NKAIN2: variants seen among roughly 807,000 people sequenced by gnomAD.
The protein encoded by NKAIN2 is sodium/potassium transporting ATPase interacting 2.
In NKAIN2, 14 loss-of-function variants were observed where a neutral mutation model predicts 32.6. The observed-to-expected ratio is 0.43, with a 90% confidence interval of 0.28 to 0.67. The LOEUF is 0.67. Ranked by LOEUF, NKAIN2 falls within the 30% of genes least tolerant of loss-of-function variation. The pLI, the probability that NKAIN2 is intolerant of heterozygous loss-of-function variation, is 0.17. For missense variants in NKAIN2, 198 were observed against 258.3 expected, an observed-to-expected ratio of 0.77 and a Z score of 1.60; for synonymous variants, 80 against 87.2, an observed-to-expected ratio of 0.92 and a Z score of 0.46.
intron 1 of NKAIN2, among the ~76,000 whole-genome samples, chr6:124,067,423 A>G (rs1359387182): frequency 1.3e-5 from 2 of 152,080 alleles, no homozygotes; most frequent in Non-Finnish European, 2.9e-5. Context: ...TTCCATTATG[A>G]GAAACCCTGA....
intron 1 of NKAIN2, among the ~76,000 whole-genome samples, chr6:124,131,123 C>G (rs139615444): frequency 2.6e-4 from 39 of 152,196 alleles, no homozygotes; most frequent in African/African-American, 9.2e-4. Context: ...CGAGAAACTT[C>G]TGAGTTGAGT....
chr6:124,256,885 G>GTTTTTTTTT (rs568654193), intron 1 of NKAIN2, among the ~76,000 whole-genome samples: 29 of 75,906 alleles, frequency 3.8e-4, no homozygotes, highest in Admixed American at 5.3e-4. Context: ...GCTTTCTGTT[G>GTTTTTTTTT]TTTTTTTTTT....
intron 4 of NKAIN2, among the ~76,000 whole-genome samples, chr6:124,759,523 C>T (rs767748996): frequency 2.0e-5 from 3 of 150,900 alleles, no homozygotes; most frequent in East Asian, 2.0e-4. Flanking sequence ...CACTTTCTTT[C>T]GGTTTTTGTC....
At chr6:124,073,329 C>A (rs1783543642) in intron 1 of NKAIN2, among the ~76,000 whole-genome samples, 1 of 152,188 alleles carries the variant, frequency 6.6e-6, no homozygotes, top group South Asian at 2.1e-4. Flanking sequence ...AGCATAGAGC[C>A]TTATACGTGG....
At chr6:124,695,635 C>T (rs529455345) in intron 4 of NKAIN2, among the ~76,000 whole-genome samples, 2 of 152,250 alleles carry the variant, frequency 1.3e-5, no homozygotes, top group Admixed American at 6.5e-5. Context: ...TGCTTTGTGA[C>T]TTGAAAGGAC....
intron 1 of NKAIN2, among the ~76,000 whole-genome samples, chr6:124,264,529 G>A (rs1352201636): frequency 6.6e-6 from 1 of 152,072 alleles, no homozygotes; most frequent in African/African-American, 2.4e-5. Flanking sequence ...TCTATAGTTG[G>A]TTATTTCAAA....
chr6:124,431,871 A>G (rs1448935841), intron 3 of NKAIN2, among the ~76,000 whole-genome samples: 4 of 152,200 alleles, frequency 2.6e-5, no homozygotes, highest in African/African-American at 7.2e-5. Context: ...CACCACTAAC[A>G]GCAACAACAA....
intron 1 of NKAIN2, among the ~76,000 whole-genome samples, chr6:124,089,323 T>C (rs1784323041): frequency 6.6e-6 from 1 of 151,852 alleles, no homozygotes; most frequent in African/African-American, 2.4e-5. Context: ...GTCTTTCTTC[T>C]AAAGTTGTTT....
chr6:123,953,573 C>T (rs1777423921), intron 1 of NKAIN2, among the ~76,000 whole-genome samples: 1 of 152,000 alleles, frequency 6.6e-6, no homozygotes, highest in Non-Finnish European at 1.5e-5. Flanking sequence ...TATGTGTGCC[C>T]ACTGTGGTAG....
At chr6:124,698,426 A>T (rs1774609119) in intron 4 of NKAIN2, among the ~76,000 whole-genome samples, 1 of 152,186 alleles carries the variant, frequency 6.6e-6, no homozygotes, top group Non-Finnish European at 1.5e-5. Context: ...TACCCTGAAG[A>T]AAATTTGAAA....
intron 1 of NKAIN2, among the ~76,000 whole-genome samples, chr6:124,098,071 C>G (rs898052387): frequency 6.6e-6 from 1 of 151,882 alleles, no homozygotes; most frequent in Non-Finnish European, 1.5e-5. Flanking sequence ...GATTCTGGAG[C>G]CTGTTAGGTA....
intron 1 of NKAIN2, among the ~76,000 whole-genome samples, chr6:124,009,570 T>C (rs1780229057): frequency 2.6e-5 from 4 of 152,168 alleles, no homozygotes; most frequent in Non-Finnish European, 5.9e-5. Flanking sequence ...TGCTGAGTGT[T>C]CACGTTCCAA....
chr6:124,521,159 T>C (rs996553029), intron 3 of NKAIN2, among the ~76,000 whole-genome samples: 8 of 152,130 alleles, frequency 5.3e-5, no homozygotes, highest in Non-Finnish European at 1.2e-4. Context: ...TAGGACCTAG[T>C]ACAATGTCAA....
In NKAIN2 at chr6:124,672,700, A is replaced by C. The variant is rs1229505141; in HGVS notation, c.474+14314A>C. Among the ~76,000 whole-genome samples, 3 of 152,090 alleles carry C rather than the reference A, an allele frequency of 2.0e-5. No individual in the cohort carries two copies. In the East Asian group the frequency reaches 5.8e-4, roughly 29 times the overall value. On this transcript the variant is annotated intron_variant, in intron 4 of 6. Transcript: ENST00000368417. ...AGGCTGTGTGGAATAAGGGAAAGGA[A>C]TAGATATAACTGATATTAAATAAAG...
At chr6:124,141,392 TAC>T (rs1315422893) in intron 1 of NKAIN2, among the ~76,000 whole-genome samples, 1 of 152,208 alleles carries the variant, frequency 6.6e-6, no homozygotes, top group Non-Finnish European at 1.5e-5. Flanking sequence ...ATTTGAATTT[TAC>T]ACAGTTATAG....
intron 3 of NKAIN2, among the ~76,000 whole-genome samples, chr6:124,598,195 A>G (rs1782167970): frequency 6.6e-6 from 1 of 152,176 alleles, no homozygotes; most frequent in African/African-American, 2.4e-5. Flanking sequence ...CTAGTTGTGA[A>G]TCTTGCTGAT....
chr6:124,524,264 G>T (rs1057489073), intron 3 of NKAIN2, among the ~76,000 whole-genome samples: 1 of 151,980 alleles, frequency 6.6e-6, no homozygotes, highest in Admixed American at 6.5e-5. Context: ...GTTATAGTAT[G>T]TTTATTGTTC....
intron 1 of NKAIN2, among the ~76,000 whole-genome samples, chr6:124,207,806 A>G (rs802230): frequency 0.58 from 88,030 of 151,726 alleles, 27,989 homozygotes; most frequent in South Asian, 0.71. Flanking sequence ...TTCATTTGCT[A>G]TCAAGGCAAA....
At chr6:124,172,059 G>A (rs896683115) in intron 1 of NKAIN2, among the ~76,000 whole-genome samples, 27 of 151,982 alleles carry the variant, frequency 1.8e-4, no homozygotes, top group Non-Finnish European at 3.5e-4. Context: ...TGATCCGTCC[G>A]CCTCGGCCTC....
Sources: gnomAD v4.1 joint callset for allele counts (sites outside exome capture counted in the v4.1 genomes callset) on GRCh38, gnomAD v4.1.1 for gene constraint, MANE v1.5 for transcripts, NCBI Gene and HGNC (gene_info 2026-07-23, HGNC 2026-07-21) for gene names.